RBFOX1: variants seen among roughly 807,000 people sequenced by gnomAD.
RBFOX1 encodes the protein RNA binding protein fox-1 homolog 1.
Under a neutral mutation model 57.7 loss-of-function variants are expected in RBFOX1, and 8 were observed. That is an observed-to-expected ratio of 0.14 (90% CI 0.08 to 0.25). RBFOX1 has a LOEUF of 0.25. Ranked by LOEUF, RBFOX1 falls within the 10% of genes least tolerant of loss-of-function variation. The pLI is 1.00. For missense variants in RBFOX1, 611 were observed against 548.5 expected, an observed-to-expected ratio of 1.11 and a Z score of -1.14; for synonymous variants, 326 against 222.4, an observed-to-expected ratio of 1.47 and a Z score of -4.15.
chr16:7,206,565 C>T (rs1405829826), intron 4 of RBFOX1, among the ~76,000 whole-genome samples: 5 of 151,964 alleles, frequency 3.3e-5, no homozygotes, highest in Admixed American at 3.3e-4. Flanking sequence ...TTCCCTCTGC[C>T]AATCATATGG....
intron 3 of RBFOX1, among the ~76,000 whole-genome samples, chr16:6,920,796 A>T (rs1277033459): frequency 6.6e-6 from 1 of 152,172 alleles, no homozygotes; most frequent in Non-Finnish European, 1.5e-5. Flanking sequence ...TCTTAGGAGA[A>T]CATCCACCCT....
chr16:6,417,006 C>T (rs2093640990), intron 2 of RBFOX1, among the ~76,000 whole-genome samples: 1 of 151,720 alleles, frequency 6.6e-6, no homozygotes, highest in African/African-American at 2.4e-5. Flanking sequence ...CAGATCATTC[C>T]TCTTTCTTTC....
At chr16:7,362,377 ATG>A (rs1318752833) in intron 4 of RBFOX1, among the ~76,000 whole-genome samples, 4 of 147,866 alleles carry the variant, frequency 2.7e-5, no homozygotes, top group Admixed American at 1.3e-4. Flanking sequence ...GTGTGTGTGT[ATG>A]TGTTAATGTG....
chr16:6,684,295 G>A (rs1008716132), intron 3 of RBFOX1, among the ~76,000 whole-genome samples: 2 of 152,302 alleles, frequency 1.3e-5, no homozygotes, highest in South Asian at 2.1e-4. Flanking sequence ...GCTCCCAGGC[G>A]CCAGCCACTG....
At chr16:5,491,655 G>T (rs906076845) in intron 2 of RBFOX1, among the ~76,000 whole-genome samples, 1 of 152,200 alleles carries the variant, frequency 6.6e-6, no homozygotes, top group Non-Finnish European at 1.5e-5. Context: ...TTTCAAACGT[G>T]CACCAGGAGC....
chr16:6,236,696 C>T (rs1437735680), intron 1 of RBFOX1, among the ~76,000 whole-genome samples: 1 of 152,070 alleles, frequency 6.6e-6, no homozygotes, highest in Non-Finnish European at 1.5e-5. Flanking sequence ...GATGATCCAC[C>T]CACCTCAGAC....
At chr16:6,890,477 C>G (rs578240383) in intron 3 of RBFOX1, among the ~76,000 whole-genome samples, 2 of 152,212 alleles carry the variant, frequency 1.3e-5, no homozygotes, top group Admixed American at 1.3e-4. Flanking sequence ...TGAGATAGCA[C>G]CATGGCACTC....
intron 4 of RBFOX1, among the ~76,000 whole-genome samples, chr16:7,203,265 A>T (rs2089108154): frequency 1.3e-5 from 2 of 152,232 alleles, no homozygotes; most frequent in Admixed American, 1.3e-4. Context: ...TGAGGACATT[A>T]TTCTAAGTAA....
chr16:5,547,965 G>T (rs1359151028), intron 2 of RBFOX1, among the ~76,000 whole-genome samples: 1 of 151,688 alleles, frequency 6.6e-6, no homozygotes, highest in Non-Finnish European at 1.5e-5. Flanking sequence ...TTCCAGATCA[G>T]CCTGGCCAAC....
intron 2 of RBFOX1, among the ~76,000 whole-genome samples, chr16:5,472,363 C>T (rs1012931244): frequency 1.3e-5 from 2 of 152,090 alleles, no homozygotes; most frequent in Admixed American, 1.3e-4. Context: ...CCCCAACCCC[C>T]ATTGCAAGAA....
chr16:5,346,624 C>A (rs1048770291), intron 1 of RBFOX1, among the ~76,000 whole-genome samples: 1 of 152,208 alleles, frequency 6.6e-6, no homozygotes, highest in African/African-American at 2.4e-5. Flanking sequence ...GTCTTATCCC[C>A]TCCTGGGAAT....
chr16:6,718,494 G>C (rs2065281331), intron 3 of RBFOX1, among the ~76,000 whole-genome samples: 1 of 152,176 alleles, frequency 6.6e-6, no homozygotes, highest in East Asian at 1.9e-4. Flanking sequence ...AGAGTCTTGA[G>C]AACAATTAGT....
chr16:6,986,425 C>A (rs1251788871), intron 3 of RBFOX1, among the ~76,000 whole-genome samples: 1 of 151,962 alleles, frequency 6.6e-6, no homozygotes, highest in Non-Finnish European at 1.5e-5. Context: ...TCTGGAACTC[C>A]TGACCTCAAG....
chr16:7,295,008 T>A (rs970666869), intron 4 of RBFOX1, among the ~76,000 whole-genome samples: 3 of 152,110 alleles, frequency 2.0e-5, no homozygotes, highest in African/African-American at 7.2e-5. Context: ...TTTGTGAAGA[T>A]CAGAAAAAAA....
chr16:7,144,118 A>G (rs1339625118), intron 4 of RBFOX1, among the ~76,000 whole-genome samples: 1 of 152,174 alleles, frequency 6.6e-6, no homozygotes, highest in Non-Finnish European at 1.5e-5. Context: ...TTGCTCCTCT[A>G]GGTAATAGAT....
At chr16:6,391,408 G>A (rs2092595064) in intron 2 of RBFOX1, among the ~76,000 whole-genome samples, 1 of 151,822 alleles carries the variant, frequency 6.6e-6, no homozygotes, top group African/African-American at 2.4e-5. Flanking sequence ...TACTGGGGAG[G>A]CTGAGGCAGG....
intron 4 of RBFOX1, among the ~76,000 whole-genome samples, chr16:5,997,968 C>T: frequency 6.6e-6 from 1 of 152,120 alleles, no homozygotes; most frequent in East Asian, 1.9e-4. Flanking sequence ...CTGTTATTCC[C>T]ACATAGGAAA....
intron 4 of RBFOX1, among the ~76,000 whole-genome samples, chr16:7,199,771 T>A (rs758881203): frequency 1.3e-5 from 2 of 152,110 alleles, no homozygotes; most frequent in Non-Finnish European, 2.9e-5. Flanking sequence ...GCAGGCACCT[T>A]TAATCCCAGT....
intron 1 of RBFOX1, among the ~76,000 whole-genome samples, chr16:5,265,835 G>A (rs2151109746): frequency 6.6e-6 from 1 of 152,214 alleles, no homozygotes; most frequent in East Asian, 1.9e-4. Context: ...TTTTGTCTTG[G>A]TCTCCAGATG....
Sources: gnomAD v4.1 joint callset for allele counts (sites outside exome capture counted in the v4.1 genomes callset) on GRCh38, gnomAD v4.1.1 for gene constraint, MANE v1.5 for transcripts, NCBI Gene and HGNC (gene_info 2026-07-23, HGNC 2026-07-21) for gene names.